Variants in ARID4B observed in about 807,000 individuals in gnomAD.
The protein encoded by ARID4B is AT-rich interaction domain 4B.
In ARID4B, 26 loss-of-function variants were observed where a neutral mutation model predicts 147.5. The ratio of observed to expected loss-of-function variants is 0.18; its 90% confidence interval spans 0.13 to 0.24. ARID4B has a LOEUF of 0.24. Ranked by LOEUF, ARID4B falls within the 10% of genes least tolerant of loss-of-function variation. The pLI, the probability that ARID4B is intolerant of heterozygous loss-of-function variation, is 1.00. For missense variants in ARID4B, 1,179 were observed against 1,511.5 expected (o/e 0.78, Z 3.65); for synonymous variants, 512 against 507.9 (o/e 1.01, Z -0.11).
At chr1:235,223,450 TAATC>T (rs1452005478) in intron 12 of ARID4B, among the ~76,000 whole-genome samples, 190 bp from the exon 13 acceptor site, 1 of 147,610 alleles carries the variant, frequency 6.8e-6, no homozygotes, top group Non-Finnish European at 1.5e-5. Context: ...ATTATCTTGT[TAATC>T]AAAGACATGG....
At chr1:235,195,156 T>G (rs1420617555) in intron 18 of ARID4B, among the ~76,000 whole-genome samples, 1 of 152,178 alleles carries the variant, frequency 6.6e-6, no homozygotes, top group African/African-American at 2.4e-5. Flanking sequence ...ACATATCTAG[T>G]ATCATTCCAG....
intron 19 of ARID4B, among the ~76,000 whole-genome samples, chr1:235,183,736 A>G (rs1401772564): frequency 6.7e-6 from 1 of 149,292 alleles, no homozygotes; most frequent in Non-Finnish European, 1.5e-5. Flanking sequence ...GTTTTGTTTT[A>G]TTTTCTTTCC....
intron 23 of ARID4B, among the ~76,000 whole-genome samples, chr1:235,170,968 TCTGA>T (rs1457632307): frequency 6.6e-6 from 1 of 150,676 alleles, no homozygotes; most frequent in African/African-American, 2.4e-5. Flanking sequence ...TAGTTCAGTG[TCTGA>T]CTTTTTTTTA....
chr1:235,239,941 C>T (rs1668878728), intron 8 of ARID4B, among the ~76,000 whole-genome samples: 1 of 152,036 alleles, frequency 6.6e-6, no homozygotes, highest in Admixed American at 6.6e-5. Context: ...TGGAAACACC[C>T]TGATTCACTA....
intron 16 of ARID4B, among the ~76,000 whole-genome samples, chr1:235,216,252 T>TA (rs1030923322): frequency 7.2e-5 from 11 of 152,096 alleles, no homozygotes; most frequent in African/African-American, 2.7e-4. Flanking sequence ...TATAAGTATT[T>TA]AAAAAATCTA....
At chr1:235,281,896 T>G (rs1334812601) in intron 2 of ARID4B, among the ~76,000 whole-genome samples, 4 of 152,038 alleles carry the variant, frequency 2.6e-5, no homozygotes, top group Non-Finnish European at 5.9e-5. Flanking sequence ...TAAAAGAAAT[T>G]ATCACATTAC....
At chr1:235,281,771 AGAG>A (rs1402052443) in intron 2 of ARID4B, among the ~76,000 whole-genome samples, 1 of 152,212 alleles carries the variant, frequency 6.6e-6, no homozygotes, top group Non-Finnish European at 1.5e-5. Context: ...AACAGTGGTA[AGAG>A]GTACTCTCAT....
chr1:235,322,921 T>C (rs1209367420), intron 2 of ARID4B, among the ~76,000 whole-genome samples: 1 of 152,030 alleles, frequency 6.6e-6, no homozygotes, highest in Non-Finnish European at 1.5e-5. Context: ...ACACAGGGCA[T>C]TAAAAAAGGG....
At chr1:235,209,556 GTT>G (rs547505296) in intron 17 of ARID4B, among the ~76,000 whole-genome samples, 19,895 of 147,108 alleles carry the variant, frequency 0.14, 1,532 homozygotes, top group African/African-American at 0.21. Flanking sequence ...TGATTTTTTT[GTT>G]TTTTGTTTTG....
intron 23 of ARID4B, 90 bp downstream of exon 23, chr1:235,172,528 A>T: frequency 1.1e-6 from 1 of 893,196 alleles, no homozygotes; most frequent in Non-Finnish European, 1.6e-6. Flanking sequence ...CAGTGAGCCG[A>T]GATTGCGCCA....
At chr1:235,169,123 A>G (rs1360366439) in intron 23 of ARID4B, among the ~76,000 whole-genome samples, 1 of 152,176 alleles carries the variant, frequency 6.6e-6, no homozygotes, top group Non-Finnish European at 1.5e-5. Context: ...AAGTTGGATC[A>G]AAACAGTGCA....
chr1:235,265,883 A>C (rs1223292759), intron 2 of ARID4B, among the ~76,000 whole-genome samples: 1 of 152,166 alleles, frequency 6.6e-6, no homozygotes, highest in Non-Finnish European at 1.5e-5. Flanking sequence ...AAGAGGGCCC[A>C]GCACACATTG....
At chr1:235,272,956 G>A (rs1253354249) in intron 2 of ARID4B, among the ~76,000 whole-genome samples, 1 of 152,132 alleles carries the variant, frequency 6.6e-6, no homozygotes, top group African/African-American at 2.4e-5. Flanking sequence ...CTACAGAGAA[G>A]AATGATAGGG....
chr1:235,214,464 C>A (rs901265034), intron 16 of ARID4B, among the ~76,000 whole-genome samples: 1 of 152,036 alleles, frequency 6.6e-6, no homozygotes, highest in Non-Finnish European at 1.5e-5. Flanking sequence ...ATGTTTGTTT[C>A]ATTTTTTTAG....
At chr1:235,186,334 A>G (rs1664681135) in intron 19 of ARID4B, among the ~76,000 whole-genome samples, 1 of 151,914 alleles carries the variant, frequency 6.6e-6, no homozygotes, top group Non-Finnish European at 1.5e-5. Flanking sequence ...TTTTCTCTAA[A>G]ATTTCCATCA....
intron 19 of ARID4B, among the ~76,000 whole-genome samples, chr1:235,192,159 G>GAAGAA (rs1292012371): frequency 1.3e-5 from 2 of 151,938 alleles, no homozygotes; most frequent in African/African-American, 4.8e-5. Context: ...ATTCAATTCT[G>GAAGAA]AAGAAAAGTA....
At chr1:235,270,735 CTGCCTTGAGAAGAGGTTATT>C (rs1670929553) in intron 2 of ARID4B, among the ~76,000 whole-genome samples, 1 of 152,200 alleles carries the variant, frequency 6.6e-6, no homozygotes, top group African/African-American at 2.4e-5. Flanking sequence ...CCAATCTACT[CTGCCTTGAGAAGAGGTTATT>C]TGTCATCTTG....
chr1:235,195,576 A>G (rs569151937), intron 18 of ARID4B, among the ~76,000 whole-genome samples: 3 of 151,424 alleles, frequency 2.0e-5, no homozygotes, highest in Admixed American at 6.6e-5. Context: ...TGGGCAACAG[A>G]GCGAGACTCT....
intron 13 of ARID4B, 84 bp from the exon 14 acceptor site, chr1:235,221,746 T>C (rs1290136440): frequency 5.3e-6 from 3 of 563,116 alleles, no homozygotes; most frequent in African/African-American, 3.8e-5. Context: ...TATATGAGTA[T>C]ATTTTTATAT....
Sources: allele counts gnomAD v4.1 joint callset (sites outside exome capture counted in the v4.1 genomes callset), GRCh38; gene constraint gnomAD v4.1.1; transcripts MANE v1.5; gene names NCBI Gene and HGNC (gene_info 2026-07-23, HGNC 2026-07-21).